The following SH3RF1 variants were observed in gnomAD, a reference collection of about 807,000 sequenced individuals.
SH3RF1 encodes the protein E3 ubiquitin-protein ligase SH3RF1.
In SH3RF1, 32 loss-of-function variants were observed where a neutral mutation model predicts 74.0. The ratio of observed to expected loss-of-function variants is 0.43; its 90% confidence interval spans 0.33 to 0.58. The LOEUF is 0.58. Ranked by LOEUF, SH3RF1 falls within the 20% of genes least tolerant of loss-of-function variation. The probability of loss-of-function intolerance (pLI) is 0.05; values close to 1 mark genes in which losing one functional copy is unlikely to be tolerated. For synonymous variants in SH3RF1, 396 were observed against 439.6 expected, an observed-to-expected ratio of 0.90 and a Z score of 1.24; for missense variants, 954 against 1,130.9, an observed-to-expected ratio of 0.84 and a Z score of 2.24.
At position 169,269,051 on chromosome 4, in the gene SH3RF1, A is replaced by G; in HGVS notation, c.162T>C (p.Thr54=). Residue 54 remains threonine, a synonymous_variant, in exon 2 of 12, where the codon ACT becomes ACC. Transcript: ENST00000284637. The part of the protein sequence containing the change: ...RNELRCPECR[T]LVGSGVEELP... ...GCTCCTCGACACCCGAGCCAACAAG[A>G]GTCCTGCACTCGGGACATCTGAGTT... is the stretch of plus-strand genomic sequence containing the variant. 6.2e-7 allele frequency: 1 copy of G among 1,614,202 alleles called. No homozygotes were observed. Among genetic ancestry groups the G allele is most frequent in the Non-Finnish European group, 8.5e-7 (1 of 1,180,048 alleles).
intron 2 of SH3RF1, among the ~76,000 whole-genome samples, chr4:169,244,204 A>G (rs1730957935): frequency 6.6e-6 from 1 of 152,184 alleles, no homozygotes; most frequent in African/African-American, 2.4e-5. Context: ...TGTTATTTCT[A>G]ATTTTCACTA....
chr4:169,106,315 C>A (rs1194295862), intron 11 of SH3RF1, among the ~76,000 whole-genome samples: 2 of 151,726 alleles, frequency 1.3e-5, no homozygotes, highest in African/African-American at 2.4e-5. Context: ...TACCATGTTG[C>A]TGGGATTACA....
At chr4:169,219,868 G>GT (rs1461307642) in intron 2 of SH3RF1, 1 of 152,130 alleles carries the variant, frequency 6.6e-6, no homozygotes, top group African/African-American at 2.4e-5. Flanking sequence ...TCACTTAAAT[G>GT]TCATGCTTTT....
At chr4:169,219,420 C>T (rs2127000647) in intron 2 of SH3RF1, among the ~76,000 whole-genome samples, 1 of 152,280 alleles carries the variant, frequency 6.6e-6, no homozygotes, top group African/African-American at 2.4e-5. Flanking sequence ...TCACCCATGA[C>T]AACACCTTAC....
In SH3RF1 at chr4:169,248,430, C is replaced by T. The variant is rs184696298; in HGVS notation, c.393+20390G>A. On this transcript the variant is annotated intron_variant, in intron 2 of 11. Transcript: ENST00000284637. ...CATGTTCTCACTCATAAGTGGGAGT[C>T]GAATAATGAAAACACATGGATACAG... 4.7e-4 allele frequency among the ~76,000 whole-genome samples: 71 copies of T among 152,062 alleles called. 2 individuals are homozygous for T. The East Asian group carries it at 0.012, about 27-fold the overall frequency.
intron 2 of SH3RF1, among the ~76,000 whole-genome samples, chr4:169,233,873 C>T (rs573681477): frequency 5.9e-5 from 9 of 152,320 alleles, no homozygotes; most frequent in African/African-American, 1.7e-4. Context: ...CCTTCCCCCA[C>T]GATTTCTCTA....
chr4:169,194,386 C>T (rs751948820), intron 2 of SH3RF1, among the ~76,000 whole-genome samples: 15 of 152,150 alleles, frequency 9.9e-5, no homozygotes, highest in Non-Finnish European at 2.2e-4. Flanking sequence ...AATGCAACCA[C>T]AATCATGGCT....
At chr4:169,226,147 T>C (rs919821835) in intron 2 of SH3RF1, among the ~76,000 whole-genome samples, 8 of 152,196 alleles carry the variant, frequency 5.3e-5, no homozygotes, top group African/African-American at 1.9e-4. Flanking sequence ...GTTTGTCTCT[T>C]TTGTTTAGTG....
chr4:169,155,717 G>C (rs1734039432), intron 3 of SH3RF1, 142 bp from the exon 4 acceptor site: 1 of 648,950 alleles, frequency 1.5e-6, no homozygotes, highest in Admixed American at 2.8e-5. Context: ...TTAGTACATG[G>C]ATTAAATGTT....
chr4:169,150,968 G>A (rs1013452584), intron 4 of SH3RF1, among the ~76,000 whole-genome samples: 2 of 152,124 alleles, frequency 1.3e-5, no homozygotes, highest in African/African-American at 2.4e-5. Flanking sequence ...CTGGTCTGAA[G>A]AATGTAACAT....
At chr4:169,161,460 C>T (rs776476932) in intron 2 of SH3RF1, among the ~76,000 whole-genome samples, 2 of 152,092 alleles carry the variant, frequency 1.3e-5, no homozygotes, top group African/African-American at 2.4e-5. Context: ...ATTTCCATAC[C>T]ATCAGCGGTA....
chr4:169,240,958 T>C (rs1371737334), intron 2 of SH3RF1, among the ~76,000 whole-genome samples: 2 of 152,136 alleles, frequency 1.3e-5, no homozygotes, highest in African/African-American at 2.4e-5. Flanking sequence ...AGGCCGGGCG[T>C]GGTGGCTCAC....
At chr4:169,170,069 TAAAA>T (rs908535469) in intron 2 of SH3RF1, among the ~76,000 whole-genome samples, 1 of 140,870 alleles carries the variant, frequency 7.1e-6, no homozygotes, top group African/African-American at 2.6e-5. Flanking sequence ...GAGGCTTCCT[TAAAA>T]AAAAAAAAAG....
chr4:169,237,111 C>T (rs1730834101), intron 2 of SH3RF1, among the ~76,000 whole-genome samples: 2 of 152,206 alleles, frequency 1.3e-5, no homozygotes, highest in Non-Finnish European at 2.9e-5. Flanking sequence ...GTGGTGCCAA[C>T]TGGCTGTGTG....
At chr4:169,156,826 T>C in intron 2 of SH3RF1, 147 bp from the exon 3 acceptor site, 1 of 711,306 alleles carries the variant, frequency 1.4e-6, no homozygotes, top group Non-Finnish European at 2.3e-6. Context: ...ACAATATATA[T>C]GTGTTACCAA....
At chr4:169,187,012 C>A (rs76335625) in intron 2 of SH3RF1, among the ~76,000 whole-genome samples, 181 of 127,398 alleles carry the variant, frequency 1.4e-3, no homozygotes, top group Middle Eastern at 3.7e-3. Flanking sequence ...GGCTCCATCG[C>A]AAAAAAAAAA....
intron 2 of SH3RF1, among the ~76,000 whole-genome samples, chr4:169,159,676 T>C (rs1215539961): frequency 6.6e-6 from 1 of 152,196 alleles, no homozygotes; most frequent in Non-Finnish European, 1.5e-5. Context: ...ACCATCATCA[T>C]TGTCATCATC....
At chr4:169,130,242 AT>A in intron 5 of SH3RF1, 86 bp from the exon 6 acceptor site, 1 of 933,312 alleles carries the variant, frequency 1.1e-6, no homozygotes, top group Non-Finnish European at 1.5e-6. Flanking sequence ...GGCAAGTCAC[AT>A]TAAAAAAAAA....
chr4:169,157,336 A>C (rs1734075842), intron 2 of SH3RF1, among the ~76,000 whole-genome samples: 1 of 152,248 alleles, frequency 6.6e-6, no homozygotes, highest in African/African-American at 2.4e-5. Flanking sequence ...GTGTATAGAC[A>C]CGTGGTCTTT....
Sources: allele counts gnomAD v4.1 joint callset (sites outside exome capture counted in the v4.1 genomes callset), GRCh38; gene constraint gnomAD v4.1.1; transcripts MANE v1.5; gene names NCBI Gene and HGNC (gene_info 2026-07-23, HGNC 2026-07-21).